Variants in TAFA1 observed in about 807,000 individuals in gnomAD.
TAFA1 encodes chemokine-like protein TAFA-1.
Under a neutral mutation model 18.5 loss-of-function variants are expected in TAFA1, and 4 were observed. The ratio of observed to expected loss-of-function variants is 0.22; its 90% CI spans 0.11 to 0.49. The LOEUF (loss-of-function observed/expected upper bound fraction) is 0.49, where lower values mean the gene tolerates loss of function less well. Ranked by LOEUF, TAFA1 falls within the 20% of genes least tolerant of loss-of-function variation. The probability of loss-of-function intolerance (pLI) is 0.98; values close to 1 mark genes in which losing one functional copy is unlikely to be tolerated. For missense variants in TAFA1, 147 were observed against 169.0 expected (o/e 0.87, Z 0.72); for synonymous variants, 56 against 55.2 (o/e 1.01, Z -0.06).
At chr3:68,417,239 G>A in intron 2 of TAFA1, 41 bp from the exon 3 acceptor site, 2 of 1,593,010 alleles carry the variant, frequency 1.3e-6, no homozygotes, top group Non-Finnish European at 1.7e-6. Flanking sequence ...TAGTCACTGA[G>A]TTATTTCTAA....
At chr3:68,517,927 A>AACACAC (rs5849854) in intron 3 of TAFA1, among the ~76,000 whole-genome samples, 27,602 of 150,590 alleles carry the variant, frequency 0.18, 2,884 homozygotes, top group South Asian at 0.35. Flanking sequence ...CTTGCTGATA[A>AACACAC]ACACACACAC....
At chr3:68,214,966 T>C (rs1217714324) in intron 2 of TAFA1, among the ~76,000 whole-genome samples, 2 of 152,000 alleles carry the variant, frequency 1.3e-5, no homozygotes, top group Non-Finnish European at 2.9e-5. Context: ...TTAGAGGTTG[T>C]ATATACTGTT....
chr3:68,389,730 G>A (rs905369284), intron 2 of TAFA1, among the ~76,000 whole-genome samples: 2 of 151,902 alleles, frequency 1.3e-5, no homozygotes, highest in Non-Finnish European at 2.9e-5. Flanking sequence ...AGCTGGGTGG[G>A]GTGTTACCCC....
chr3:68,291,433 G>C (rs2068106406), intron 2 of TAFA1, among the ~76,000 whole-genome samples: 1 of 152,072 alleles, frequency 6.6e-6, no homozygotes, highest in African/African-American at 2.4e-5. Context: ...AAAACAAGGT[G>C]AGTAGTATTG....
intron 2 of TAFA1, among the ~76,000 whole-genome samples, chr3:68,017,523 T>G (rs566343546): frequency 1.3e-5 from 2 of 152,326 alleles, no homozygotes; most frequent in South Asian, 4.1e-4. Flanking sequence ...GGCATGCAAG[T>G]TGAGAGTCAT....
In TAFA1 at chr3:68,278,515, T is replaced by G. The variant is rs939899725; in HGVS notation, c.119-138765T>G. ...CTTCTTATTCTAGTAAGAATTTTGA[T>G]TTCCTCATAAGTCCTATGTATTTGT... On this transcript the variant is annotated intron_variant, in intron 2 of 4. Coordinates refer to ENST00000478136, the MANE Select transcript of TAFA1 (RefSeq NM_213609.4). Among the ~76,000 whole-genome samples the G allele has an allele frequency of 3.9e-5, 6 of 152,164 alleles. No individual in the cohort carries two copies. In the East Asian group the frequency reaches 1.2e-3, roughly 29 times the overall value.
chr3:68,003,558 C>A (rs1704309315), upstream of TAFA1, among the ~76,000 whole-genome samples: 1 of 152,104 alleles, frequency 6.6e-6, no homozygotes, highest in Admixed American at 6.6e-5. Context: ...TAAATGAAAA[C>A]TAGGTCATCT....
chr3:68,107,445 C>T (rs1251570203), intron 2 of TAFA1, among the ~76,000 whole-genome samples: 1 of 152,108 alleles, frequency 6.6e-6, no homozygotes, highest in African/African-American at 2.4e-5. Context: ...TGAAATATTA[C>T]TCAGCAACAA....
intron 2 of TAFA1, among the ~76,000 whole-genome samples, chr3:68,377,905 A>G (rs2069850294): frequency 6.6e-6 from 1 of 152,154 alleles, no homozygotes; most frequent in African/African-American, 2.4e-5. Context: ...GCAAGCCCCA[A>G]CTTTTGGCAG....
intron 2 of TAFA1, among the ~76,000 whole-genome samples, chr3:68,056,854 A>G (rs887800146): frequency 5.3e-5 from 8 of 152,158 alleles, no homozygotes; most frequent in Admixed American, 5.2e-4. Flanking sequence ...GGCAGCAGGA[A>G]TTTGGTGGGA....
chr3:68,057,984 T>C (rs543193265), intron 2 of TAFA1, among the ~76,000 whole-genome samples: 13 of 152,330 alleles, frequency 8.5e-5, no homozygotes, highest in African/African-American at 3.1e-4. Flanking sequence ...CTGATCTCAC[T>C]GCAAGGTAAT....
intron 2 of TAFA1, among the ~76,000 whole-genome samples, chr3:68,292,084 A>G (rs762579404): frequency 6.6e-6 from 1 of 152,178 alleles, no homozygotes; most frequent in Non-Finnish European, 1.5e-5. Context: ...CTCCTAGCCA[A>G]AAATCAACCT....
chr3:68,279,492 T>A (rs1360935148), intron 2 of TAFA1, among the ~76,000 whole-genome samples: 2 of 152,154 alleles, frequency 1.3e-5, no homozygotes, highest in Non-Finnish European at 2.9e-5. Context: ...CATACAGAGA[T>A]GAATTAGGGA....
intron 2 of TAFA1, among the ~76,000 whole-genome samples, chr3:68,174,169 G>A (rs2066094836): frequency 6.6e-6 from 1 of 152,188 alleles, no homozygotes; most frequent in Admixed American, 6.5e-5. Flanking sequence ...ATTTTGAAAA[G>A]CATTGGTTTG....
chr3:68,411,173 A>C (rs1396676657), intron 2 of TAFA1, among the ~76,000 whole-genome samples: 1 of 152,166 alleles, frequency 6.6e-6, no homozygotes, highest in African/African-American at 2.4e-5. Context: ...ATTGTATGTC[A>C]TTTTATGTCC....
At chr3:68,489,453 T>C (rs913517604) in intron 3 of TAFA1, among the ~76,000 whole-genome samples, 2 of 152,230 alleles carry the variant, frequency 1.3e-5, no homozygotes, top group African/African-American at 2.4e-5. Context: ...AAATAAAATA[T>C]ATCTGTAGGC....
At chr3:68,523,505 A>G (rs1386840864) in intron 3 of TAFA1, among the ~76,000 whole-genome samples, 4 of 152,202 alleles carry the variant, frequency 2.6e-5, no homozygotes, top group Admixed American at 1.3e-4. Flanking sequence ...TGAGTAGTCA[A>G]TGATCAAGAA....
chr3:68,372,525 G>A (rs904562496), intron 2 of TAFA1, among the ~76,000 whole-genome samples: 5 of 152,076 alleles, frequency 3.3e-5, no homozygotes, highest in Non-Finnish European at 5.9e-5. Flanking sequence ...TGTTCCTCTG[G>A]GCATGTGGTC....
At chr3:68,082,584 G>C (rs1231797655) in intron 2 of TAFA1, among the ~76,000 whole-genome samples, 1 of 152,114 alleles carries the variant, frequency 6.6e-6, no homozygotes, top group Non-Finnish European at 1.5e-5. Flanking sequence ...AATTATTTTG[G>C]TTGTTTGAGC....
Sources: gnomAD v4.1 joint callset for allele counts (sites outside exome capture counted in the v4.1 genomes callset) on GRCh38, gnomAD v4.1.1 for gene constraint, MANE v1.5 for transcripts, NCBI Gene and HGNC (gene_info 2026-07-23, HGNC 2026-07-21) for gene names.